The following ATG7 variants were observed in gnomAD, a reference collection of about 807,000 sequenced individuals.
ATG7 encodes autophagy related 7, also known as ubiquitin-like modifier-activating enzyme ATG7.
A neutral mutation model predicts 82.4 loss-of-function variants in ATG7; 70 were observed. The observed-to-expected ratio is 0.85, with a 90% CI of 0.70 to 1.04. ATG7 has a LOEUF of 1.04. Among genes scored for constraint, ATG7 ranks in the 50% least tolerant of loss-of-function variants. ATG7 has a pLI of 0.00. For synonymous variants in ATG7, 287 were observed against 313.0 expected (o/e 0.92, Z 0.88); for missense variants, 792 against 864.3 (o/e 0.92, Z 1.05).
chr3:11,396,639 G>A (rs372530104), intron 19 of ATG7, among the ~76,000 whole-genome samples: 9 of 152,126 alleles, frequency 5.9e-5, no homozygotes, highest in South Asian at 2.1e-4. Context: ...AAGTTTAGCC[G>A]GGCATGGTGG....
At chr3:11,508,868 C>T (rs1204388841) in intron 20 of ATG7, among the ~76,000 whole-genome samples, 3 of 152,148 alleles carry the variant, frequency 2.0e-5, no homozygotes, top group South Asian at 2.1e-4. Flanking sequence ...AAAGCAAACT[C>T]GGTACAACGT....
At chr3:11,467,884 A>G (rs1397127427) in intron 20 of ATG7, among the ~76,000 whole-genome samples, 2 of 152,138 alleles carry the variant, frequency 1.3e-5, no homozygotes, top group African/African-American at 4.8e-5. Context: ...TTACCTTTGA[A>G]TTTTTTTGCC....
At chr3:11,538,742 T>G (rs1575244346) in intron 20 of ATG7, among the ~76,000 whole-genome samples, 2 of 120,954 alleles carry the variant, frequency 1.7e-5, no homozygotes, top group Admixed American at 1.9e-4. Context: ...GATGTGGTGG[T>G]GCAGGCCTGT....
At chr3:11,345,407 T>C (rs1307579597) in intron 13 of ATG7, among the ~76,000 whole-genome samples, 1 of 152,054 alleles carries the variant, frequency 6.6e-6, no homozygotes, top group African/African-American at 2.4e-5. Context: ...GGACTCTGTC[T>C]CAAAAATAAA....
Position 11,366,636 on chromosome 3 carries a change from G to A in ATG7, c.1875+1902G>A, listed in dbSNP as rs192976767. ...GAGAAGGGCCTTAATTAAATTTTCA[G>A]TCATGCCCCTGCACTGGTTTCCTTC... On this transcript the variant is annotated intron_variant, in intron 18 of 20. Transcript: ENST00000693202. Among the ~76,000 whole-genome samples, 383 of 152,214 alleles carry A rather than the reference G, an allele frequency of 2.5e-3. 1 individual carries two copies. Among genetic ancestry groups the A allele is most frequent in the Non-Finnish European group, 2.3e-3 (158 of 68,014 alleles).
intron 2 of ATG7, among the ~76,000 whole-genome samples, chr3:11,281,752 C>A (rs1177313965): frequency 6.8e-4 from 74 of 108,166 alleles, no homozygotes; most frequent in South Asian, 1.4e-3. Context: ...CTAACCTGGG[C>A]AACAAGAGCG....
At chr3:11,506,107 C>T (rs965773041) in intron 20 of ATG7, among the ~76,000 whole-genome samples, 4 of 152,114 alleles carry the variant, frequency 2.6e-5, no homozygotes, top group African/African-American at 9.7e-5. Context: ...GTTGGTCTCT[C>T]TGTAAATGTG....
intron 1 of ATG7, among the ~76,000 whole-genome samples, chr3:11,275,317 G>A (rs534582610): frequency 1.3e-5 from 2 of 151,646 alleles, no homozygotes; most frequent in South Asian, 4.2e-4. Context: ...CCATGGAAAT[G>A]ACGTTCGCTA....
At position 11,511,975 on chromosome 3, in the gene ATG7, C is replaced by T. The variant is rs374266079; in HGVS notation, c.2080-42836C>T. On this transcript the variant is annotated intron_variant, in intron 20 of 20. Coordinates refer to ENST00000693202, the MANE Select transcript of ATG7 (RefSeq NM_001349232.2). ...GCAGCCCTGGTTCCCGCTCGTGCCT[C>T]TCCCTCCACACCTCCCTGCAAGCTG... is the stretch of plus-strand genomic sequence containing the variant. Among the ~76,000 whole-genome samples, 5 of 152,322 alleles carry T rather than the reference C, an allele frequency of 3.3e-5. No individual in the cohort carries two copies. In the East Asian group the frequency reaches 9.7e-4, roughly 29 times the overall value.
intron 9 of ATG7, among the ~76,000 whole-genome samples, chr3:11,320,637 C>T (rs916142153): frequency 1.3e-5 from 2 of 152,206 alleles, no homozygotes; most frequent in African/African-American, 4.8e-5. Flanking sequence ...ATTTTTCTCC[C>T]ATTTAAATGT....
chr3:11,446,283 C>G (rs367748854), intron 20 of ATG7, among the ~76,000 whole-genome samples: 2 of 151,876 alleles, frequency 1.3e-5, no homozygotes, highest in African/African-American at 4.8e-5. Context: ...TCCATTTCAA[C>G]ATTCTGTGAT....
the ATG7 span, among the ~76,000 whole-genome samples, chr3:11,569,075 G>GA: frequency 6.6e-6 from 1 of 152,228 alleles, no homozygotes; most frequent in African/African-American, 2.4e-5. Context: ...AACATCTGGG[G>GA]AAAAGTAAAC....
At chr3:11,344,463 C>G (rs1031950094) in intron 13 of ATG7, among the ~76,000 whole-genome samples, 3 of 152,214 alleles carry the variant, frequency 2.0e-5, no homozygotes, top group Non-Finnish European at 2.9e-5. Context: ...CTACGTTTAT[C>G]AAGACAAAGT....
intron 20 of ATG7, among the ~76,000 whole-genome samples, chr3:11,451,097 T>C (rs541613028): frequency 7.4e-4 from 112 of 152,272 alleles, no homozygotes; most frequent in African/African-American, 2.6e-3. Flanking sequence ...GAAAAAGACA[T>C]TGGATGCATA....
At chr3:11,362,748 C>G in intron 16 of ATG7, 65 bp from the exon 17 acceptor site, 7 of 1,348,016 alleles carry the variant, frequency 5.2e-6, no homozygotes, top group Non-Finnish European at 7.2e-6. Flanking sequence ...GGATTTCATA[C>G]TTGAGACAGC....
chr3:11,546,513 G>A (rs1383083008), intron 20 of ATG7, among the ~76,000 whole-genome samples: 5 of 152,066 alleles, frequency 3.3e-5, no homozygotes, highest in African/African-American at 9.7e-5. Context: ...CGCTTTTAAC[G>A]GACACACAGA....
chr3:11,334,039 G>A lies in ATG7; in HGVS notation c.889+946G>A, dbSNP rs189244912. ...GCTGGGATTACAGGCATGAGCCACC[G>A]CTCCCGGCCAGCTTCGGGAATATTT... is the stretch of plus-strand genomic sequence containing the variant. On this transcript the variant is annotated intron_variant, in intron 11 of 20. Transcript: ENST00000693202. Among the ~76,000 whole-genome samples, 449 of 152,036 alleles carry A rather than the reference G, an allele frequency of 3.0e-3. 2 individuals carry two copies. In the Middle Eastern group the frequency reaches 0.037, roughly 13 times the overall value.
At position 11,440,825 on chromosome 3, in the gene ATG7, A is replaced by G. The variant is rs938106193; in HGVS notation, c.2079+13899A>G. On this transcript the variant is annotated intron_variant, in intron 20 of 20. Transcript: ENST00000693202. ...CAGCCTCCCAAGCAGCTGGGATTAC[A>G]GGCATCTGCTACCATGCCTGGCTAG... Among the ~76,000 whole-genome samples the G allele has an allele frequency of 5.3e-5, 8 of 151,802 alleles. No individual in the cohort carries two copies. The East Asian group carries it at 1.6e-3, about 30-fold the overall frequency.
intron 3 of ATG7, among the ~76,000 whole-genome samples, chr3:11,283,500 A>ACCTG (rs1943423394): frequency 6.6e-6 from 1 of 152,162 alleles, no homozygotes; most frequent in Non-Finnish European, 1.5e-5. Context: ...GGGTGAAGGA[A>ACCTG]CCTGCCCTAA....
Sources: allele counts gnomAD v4.1 joint callset (sites outside exome capture counted in the v4.1 genomes callset), GRCh38; gene constraint gnomAD v4.1.1; transcripts MANE v1.5; gene names NCBI Gene and HGNC (gene_info 2026-07-23, HGNC 2026-07-21).